EPHB1: variants seen among roughly 807,000 people sequenced by gnomAD.
EPHB1 encodes ephrin type-B receptor 1.
Under a neutral mutation model 94.4 loss-of-function variants are expected in EPHB1, and 30 were observed. The observed-to-expected ratio is 0.32, with a 90% CI of 0.24 to 0.43. The LOEUF is 0.43. Ranked by LOEUF, EPHB1 falls within the 20% of genes least tolerant of loss-of-function variation. EPHB1 has a pLI of 1.00. For synonymous variants in EPHB1, 522 were observed against 489.1 expected, an observed-to-expected ratio of 1.07 and a Z score of -0.89; for missense variants, 1,055 against 1,308.3, an observed-to-expected ratio of 0.81 and a Z score of 2.99.
intron 1 of EPHB1, among the ~76,000 whole-genome samples, chr3:134,862,207 C>T (rs1262694100): frequency 6.6e-6 from 1 of 152,110 alleles, no homozygotes; most frequent in African/African-American, 2.4e-5. Context: ...GGGAGAAGCA[C>T]CTGGCTTGCT....
chr3:134,895,434 A>G (rs2038069459), intron 1 of EPHB1, among the ~76,000 whole-genome samples: 1 of 152,182 alleles, frequency 6.6e-6, no homozygotes, highest in Non-Finnish European at 1.5e-5. Flanking sequence ...TTCCAACATC[A>G]CGCAGAGAGA....
intron 9 of EPHB1, among the ~76,000 whole-genome samples, chr3:135,178,777 T>C (rs1303474488): frequency 6.6e-6 from 1 of 152,118 alleles, no homozygotes; most frequent in Non-Finnish European, 1.5e-5. Context: ...GTGTGGCTTT[T>C]TTAGGCCTGC....
chr3:134,949,125 G>T (rs1170118779), intron 2 of EPHB1, among the ~76,000 whole-genome samples: 1 of 152,030 alleles, frequency 6.6e-6, no homozygotes, highest in Non-Finnish European at 1.5e-5. Flanking sequence ...GTGATATTTG[G>T]CCTGGTGCTG....
At chr3:135,041,647 G>C (rs1435089025) in intron 3 of EPHB1, among the ~76,000 whole-genome samples, 1 of 152,202 alleles carries the variant, frequency 6.6e-6, no homozygotes, top group Non-Finnish European at 1.5e-5. Context: ...AGTTAGATTT[G>C]AATTTTAGAT....
At chr3:134,836,475 G>A (rs143001291) in intron 1 of EPHB1, among the ~76,000 whole-genome samples, 5 of 152,208 alleles carry the variant, frequency 3.3e-5, no homozygotes, top group African/African-American at 1.2e-4. Flanking sequence ...TAAATTAAGA[G>A]GCCAAACCAT....
chr3:135,010,686 C>T (rs1446693197), intron 3 of EPHB1, among the ~76,000 whole-genome samples: 3 of 151,364 alleles, frequency 2.0e-5, no homozygotes, highest in African/African-American at 7.3e-5. Context: ...GCCTCATCCT[C>T]GCAGGTAGCT....
At chr3:135,142,042 G>A (rs752328158) in intron 5 of EPHB1, among the ~76,000 whole-genome samples, 16 of 152,214 alleles carry the variant, frequency 1.1e-4, no homozygotes, top group African/African-American at 3.4e-4. Flanking sequence ...AGACAGGTTC[G>A]ATTCTGCACA....
At chr3:135,157,951 G>A (rs1941403227) in intron 6 of EPHB1, among the ~76,000 whole-genome samples, 1 of 152,152 alleles carries the variant, frequency 6.6e-6, no homozygotes, top group Admixed American at 6.5e-5. Context: ...AACAGCACAG[G>A]TCATTGCTAG....
chr3:135,183,824 T>G (rs1292307040), intron 10 of EPHB1, among the ~76,000 whole-genome samples: 1 of 152,146 alleles, frequency 6.6e-6, no homozygotes, highest in Non-Finnish European at 1.5e-5. Flanking sequence ...ATCTGGAGAA[T>G]CAGGCCAAGA....
intron 3 of EPHB1, among the ~76,000 whole-genome samples, chr3:134,968,029 A>G (rs912303386): frequency 3.9e-5 from 6 of 152,346 alleles, no homozygotes; most frequent in South Asian, 2.1e-4. Context: ...TCCATTTGCC[A>G]TGCAACTAGC....
At chr3:135,226,491 CAG>C (rs1576482568) in intron 12 of EPHB1, among the ~76,000 whole-genome samples, 1 of 152,124 alleles carries the variant, frequency 6.6e-6, no homozygotes, top group African/African-American at 2.4e-5. Flanking sequence ...CCCGAGTACT[CAG>C]GGAGCAGTAT....
At chr3:135,009,503 G>T (rs985429324) in intron 3 of EPHB1, among the ~76,000 whole-genome samples, 1 of 152,174 alleles carries the variant, frequency 6.6e-6, no homozygotes, top group African/African-American at 2.4e-5. Flanking sequence ...AGAAAGAAAG[G>T]CAGGCCTTGG....
At chr3:134,813,533 C>A (rs757589213) in intron 1 of EPHB1, among the ~76,000 whole-genome samples, 3 of 152,178 alleles carry the variant, frequency 2.0e-5, no homozygotes, top group Non-Finnish European at 2.9e-5. Flanking sequence ...GGAAGCACCC[C>A]CTAGCCCAGC....
intron 11 of EPHB1, among the ~76,000 whole-genome samples, chr3:135,199,936 T>C (rs1042665935): frequency 6.6e-6 from 1 of 152,220 alleles, no homozygotes; most frequent in African/African-American, 2.4e-5. Context: ...TGCTCAATGA[T>C]GGGAGCTCCT....
At chr3:135,193,496 G>T (rs1942514541) in intron 11 of EPHB1, among the ~76,000 whole-genome samples, 1 of 152,186 alleles carries the variant, frequency 6.6e-6, no homozygotes, top group Non-Finnish European at 1.5e-5. Context: ...GTATCACTGA[G>T]CACCTAGAGG....
intron 3 of EPHB1, among the ~76,000 whole-genome samples, chr3:135,090,852 A>T (rs568487001): frequency 6.6e-6 from 1 of 152,338 alleles, no homozygotes; most frequent in South Asian, 2.1e-4. Context: ...TCTTTTGCTT[A>T]CTTGTCCCAC....
chr3:134,882,765 C>CTTTCTGT (rs1553861895), intron 1 of EPHB1, among the ~76,000 whole-genome samples: 1 of 79,882 alleles, frequency 1.3e-5, no homozygotes, highest in African/African-American at 4.5e-5. Flanking sequence ...TTCCTTCCTT[C>CTTTCTGT]CTTTCTTTCT....
intron 3 of EPHB1, among the ~76,000 whole-genome samples, chr3:135,039,802 G>A (rs917333220): frequency 2.0e-5 from 3 of 152,194 alleles, no homozygotes; most frequent in African/African-American, 4.8e-5. Context: ...GTTCCCGCTC[G>A]TGCCTCTCCC....
At chr3:135,089,015 A>G (rs754548241) in intron 3 of EPHB1, among the ~76,000 whole-genome samples, 5 of 152,224 alleles carry the variant, frequency 3.3e-5, no homozygotes, top group African/African-American at 4.8e-5. Flanking sequence ...CACACGAGGA[A>G]ACTGAGGCTT....
Sources: gnomAD v4.1 joint callset for allele counts (sites outside exome capture counted in the v4.1 genomes callset) on GRCh38, gnomAD v4.1.1 for gene constraint, MANE v1.5 for transcripts, NCBI Gene and HGNC (gene_info 2026-07-23, HGNC 2026-07-21) for gene names.